TMEM117: variants seen among roughly 807,000 people sequenced by gnomAD.
TMEM117 encodes transmembrane protein 117.
Under a neutral mutation model 52.4 loss-of-function variants are expected in TMEM117, and 27 were observed. That is an observed-to-expected ratio of 0.51 (90% CI 0.38 to 0.71). The LOEUF is 0.71. Among genes scored for constraint, TMEM117 ranks in the 30% least tolerant of loss-of-function variants. The pLI is 0.00. For synonymous variants in TMEM117, 215 were observed against 206.3 expected (o/e 1.04, Z -0.36); for missense variants, 556 against 630.5 (o/e 0.88, Z 1.26).
At chr12:43,892,080 C>T (rs1443990097) in intron 2 of TMEM117, among the ~76,000 whole-genome samples, 1 of 152,060 alleles carries the variant, frequency 6.6e-6, no homozygotes, top group African/African-American at 2.4e-5. Flanking sequence ...CAAGACTACC[C>T]CTAGTTTTAA....
intron 7 of TMEM117, among the ~76,000 whole-genome samples, chr12:44,383,558 CA>C (rs1952049042): frequency 6.6e-6 from 1 of 152,134 alleles, no homozygotes; most frequent in Non-Finnish European, 1.5e-5. Context: ...AGTATTTCAA[CA>C]AGGAGATTAA....
At chr12:43,801,964 A>AG in the TMEM117 span, among the ~76,000 whole-genome samples, 1 of 152,220 alleles carries the variant, frequency 6.6e-6, no homozygotes, top group East Asian at 1.9e-4. Flanking sequence ...TGGGAGGCAG[A>AG]GGTTGCAGTG....
At chr12:44,149,596 T>C (rs1948693261) in intron 4 of TMEM117, among the ~76,000 whole-genome samples, 2 of 152,198 alleles carry the variant, frequency 1.3e-5, no homozygotes, top group Non-Finnish European at 2.9e-5. Flanking sequence ...TATTTTCATT[T>C]TATCAAGTTA....
intron 3 of TMEM117, among the ~76,000 whole-genome samples, chr12:44,102,487 C>T (rs1947878743): frequency 6.6e-6 from 1 of 151,710 alleles, no homozygotes. Flanking sequence ...TCTCTAAATG[C>T]CTCTCTCTGG....
intron 5 of TMEM117, among the ~76,000 whole-genome samples, chr12:44,223,019 T>A (rs1227568225): frequency 4.6e-5 from 5 of 109,172 alleles, no homozygotes; most frequent in African/African-American, 1.8e-4. Flanking sequence ...AAACTTTTCC[T>A]TTTTTTTTTT....
chr12:44,154,752 T>G (rs1948802888), intron 4 of TMEM117, among the ~76,000 whole-genome samples: 1 of 150,990 alleles, frequency 6.6e-6, no homozygotes, highest in Non-Finnish European at 1.5e-5. Context: ...CCCCAAACAA[T>G]ATGCTATATA....
intron 3 of TMEM117, among the ~76,000 whole-genome samples, chr12:43,979,455 C>A (rs184506424): frequency 6.6e-6 from 1 of 152,188 alleles, no homozygotes; most frequent in Admixed American, 6.5e-5. Context: ...TTTAGCATTC[C>A]TTGAGGAAGT....
At chr12:44,246,671 A>G (rs1378732114) in intron 5 of TMEM117, among the ~76,000 whole-genome samples, 1 of 152,200 alleles carries the variant, frequency 6.6e-6, no homozygotes, top group Non-Finnish European at 1.5e-5. Flanking sequence ...GTGGAAAGGC[A>G]TTTATAGAAT....
At chr12:43,935,949 CA>C (rs1592375808) in intron 2 of TMEM117, among the ~76,000 whole-genome samples, 2 of 152,088 alleles carry the variant, frequency 1.3e-5, no homozygotes, top group African/African-American at 4.8e-5. Context: ...GCTTAGTGTT[CA>C]TGGAAACAGA....
intron 5 of TMEM117, among the ~76,000 whole-genome samples, chr12:44,279,689 A>G (rs1349812374): frequency 1.3e-5 from 2 of 151,832 alleles, no homozygotes; most frequent in African/African-American, 4.8e-5. Flanking sequence ...AATTTTTTGT[A>G]TTTTAGTAGA....
chr12:44,255,518 A>G (rs1950250059), intron 5 of TMEM117, among the ~76,000 whole-genome samples: 1 of 152,206 alleles, frequency 6.6e-6, no homozygotes, highest in African/African-American at 2.4e-5. Flanking sequence ...CAAGTAAGTT[A>G]GATAAATTTA....
At chr12:44,049,485 G>T (rs572641659) in intron 3 of TMEM117, among the ~76,000 whole-genome samples, 2 of 151,174 alleles carry the variant, frequency 1.3e-5, no homozygotes, top group Non-Finnish European at 2.9e-5. Context: ...CATGGCACAG[G>T]TATACCTATG....
intron 2 of TMEM117, among the ~76,000 whole-genome samples, chr12:43,909,688 A>G (rs1177024166): frequency 1.3e-5 from 2 of 152,094 alleles, no homozygotes; most frequent in Admixed American, 6.6e-5. Flanking sequence ...CAGAAATGCA[A>G]ACTACCATCG....
chr12:43,805,698 T>C, the TMEM117 span: 2 of 900,986 alleles, frequency 2.2e-6, no homozygotes, highest in Non-Finnish European at 3.2e-6. Context: ...AACTCTCATT[T>C]TCCTATTTGG....
At chr12:44,051,076 C>T (rs561883202) in intron 3 of TMEM117, among the ~76,000 whole-genome samples, 1 of 152,250 alleles carries the variant, frequency 6.6e-6, no homozygotes, top group South Asian at 2.1e-4. Flanking sequence ...AGTATGGAGT[C>T]ATTCATTTTG....
At chr12:43,997,712 A>T (rs1478567052) in intron 3 of TMEM117, among the ~76,000 whole-genome samples, 4 of 152,172 alleles carry the variant, frequency 2.6e-5, no homozygotes, top group Non-Finnish European at 5.9e-5. Flanking sequence ...GCAAATCAAT[A>T]TTATCTCATC....
intron 2 of TMEM117, among the ~76,000 whole-genome samples, chr12:43,879,026 A>G (rs2137445504): frequency 6.6e-6 from 1 of 152,320 alleles, no homozygotes; most frequent in Non-Finnish European, 1.5e-5. Flanking sequence ...TGATGAATGA[A>G]TAAGTTTGTC....
In TMEM117 at chr12:44,184,876, TA is replaced by T. The variant is rs774443208; in HGVS notation, c.511-26412del. On this transcript the variant is annotated intron_variant, in intron 4 of 7. Transcript: ENST00000266534. ...ATTTGTTCCAGGAACAATAGAAAAC[TA>T]ATGCAATCTCAAACATATGTAAGCA... Among the ~76,000 whole-genome samples, 54 of 152,356 alleles carry T rather than the reference TA, an allele frequency of 3.5e-4. 1 individual carries two copies. The Middle Eastern group carries it at 0.017, about 48-fold the overall frequency.
At chr12:43,842,332 A>T (rs980260673) in intron 1 of TMEM117, among the ~76,000 whole-genome samples, 3 of 152,232 alleles carry the variant, frequency 2.0e-5, no homozygotes, top group African/African-American at 7.2e-5. Context: ...TAGGTGGTCC[A>T]AGCTACAGCC....
Sources: allele counts gnomAD v4.1 joint callset (sites outside exome capture counted in the v4.1 genomes callset), GRCh38; gene constraint gnomAD v4.1.1; transcripts MANE v1.5; gene names NCBI Gene and HGNC (gene_info 2026-07-23, HGNC 2026-07-21).